The following CEMIP variants were observed in gnomAD, a reference collection of about 807,000 sequenced individuals.
The protein encoded by CEMIP is cell migration-inducing and hyaluronan-binding protein.
Under a neutral mutation model 156.9 loss-of-function variants are expected in CEMIP, and 105 were observed. The observed-to-expected ratio is 0.67, with a 90% confidence interval of 0.57 to 0.79. CEMIP has a LOEUF of 0.79. Among genes scored for constraint, CEMIP ranks in the 30% least tolerant of loss-of-function variants. The probability of loss-of-function intolerance (pLI) is 0.00; values close to 1 mark genes in which losing one functional copy is unlikely to be tolerated. For missense variants in CEMIP, 1,457 were observed against 1,769.4 expected, an observed-to-expected ratio of 0.82 and a Z score of 3.17; for synonymous variants, 676 against 668.4, an observed-to-expected ratio of 1.01 and a Z score of -0.17.
chr15:80,914,772 G>A (rs1900201496), intron 14 of CEMIP, among the ~76,000 whole-genome samples: 1 of 152,196 alleles, frequency 6.6e-6, no homozygotes, highest in African/African-American at 2.4e-5. Flanking sequence ...CTTAGACAGA[G>A]CTGATTTATC....
chr15:80,848,432 G>A (rs1220695056), intron 1 of CEMIP, among the ~76,000 whole-genome samples: 4 of 152,172 alleles, frequency 2.6e-5, no homozygotes, highest in African/African-American at 9.7e-5. Flanking sequence ...TACATTTATA[G>A]ACCTGTGGCT....
chr15:80,834,739 G>C (rs1450044439), intron 1 of CEMIP, among the ~76,000 whole-genome samples: 2 of 152,116 alleles, frequency 1.3e-5, no homozygotes, highest in African/African-American at 4.8e-5. Context: ...TGTCTTTACT[G>C]TTCTTGGCCC....
intron 16 of CEMIP, among the ~76,000 whole-genome samples, chr15:80,921,413 C>A (rs1900467575): frequency 1.3e-5 from 2 of 152,222 alleles, no homozygotes; most frequent in South Asian, 4.1e-4. Context: ...GTACCTGACA[C>A]ATCAGTGTTG....
chr15:80,800,805 A>G (rs750960667), intron 1 of CEMIP, among the ~76,000 whole-genome samples: 5 of 152,218 alleles, frequency 3.3e-5, no homozygotes, highest in Non-Finnish European at 5.9e-5. Context: ...AGGGGCAAAA[A>G]CATTGAGTTT....
chr15:80,892,440 C>T (rs1327478405), intron 10 of CEMIP, among the ~76,000 whole-genome samples: 1 of 152,230 alleles, frequency 6.6e-6, no homozygotes, highest in Non-Finnish European at 1.5e-5. Context: ...TGCCTCCCAC[C>T]TTCTCTCTTA....
intron 1 of CEMIP, among the ~76,000 whole-genome samples, chr15:80,832,322 CTGTGTGTGTGTGTGTGTGTG>C (rs58855328): frequency 1.3e-4 from 16 of 127,996 alleles, no homozygotes; most frequent in African/African-American, 4.8e-4. Context: ...AAAATAAACT[CTGTGTGTGTGTGTGTGTGTG>C]TGTGTGTGTG....
chr15:80,784,124 T>C (rs947006524), intron 1 of CEMIP, among the ~76,000 whole-genome samples: 2 of 152,192 alleles, frequency 1.3e-5, no homozygotes, highest in African/African-American at 4.8e-5. Flanking sequence ...TCTTTGAGTC[T>C]TCTGGAAGGG....
chr15:80,796,537 A>G (rs976909921), intron 1 of CEMIP, among the ~76,000 whole-genome samples: 1 of 152,204 alleles, frequency 6.6e-6, no homozygotes, highest in Non-Finnish European at 1.5e-5. Context: ...CTGTTGGTGC[A>G]TGTTCCATGT....
rs1285197652 is a variant in CEMIP at position 80,884,215 on chromosome 15, G to A, written c.658G>A (p.Val220Ile). 8 of 1,614,188 alleles carry A rather than the reference G, an allele frequency of 5.0e-6. 1 individual carries two copies. Among genetic ancestry groups the A allele is most frequent in the Non-Finnish European group, 5.1e-6 (6 of 1,180,030 alleles). The change falls in exon 7 of 30, where the codon GTC becomes ATC. Residue 220 changes from valine (V) to isoleucine (I), a missense_variant. Physicochemically the swap from Val to Ile is conservative, Grantham distance 29 (BLOSUM62 3). Coordinates refer to ENST00000394685, the MANE Select transcript of CEMIP (RefSeq NM_001293298.2). ...ATCCAAGAAAGAGAGTGAACGTCTG[G>A]TCCAGTATTTGAACGCGGTGCCCGA... ...YRSKKESERLVQYLNAVPDGR... is the reference protein window; with the variant it reads ...YRSKKESERLIQYLNAVPDGR...
chr15:80,823,234 A>T (rs1896950798), intron 1 of CEMIP, among the ~76,000 whole-genome samples: 1 of 152,104 alleles, frequency 6.6e-6, no homozygotes, highest in Non-Finnish European at 1.5e-5. Flanking sequence ...TGGTTTTTAC[A>T]GATATTTGTA....
chr15:80,832,804 C>T (rs1033011644), intron 1 of CEMIP, among the ~76,000 whole-genome samples: 1 of 152,172 alleles, frequency 6.6e-6, no homozygotes, highest in African/African-American at 2.4e-5. Context: ...ATCTGTTTCT[C>T]AAATCTGTGA....
At chr15:80,849,940 A>G (rs189997219) in intron 1 of CEMIP, among the ~76,000 whole-genome samples, 13 of 152,308 alleles carry the variant, frequency 8.5e-5, no homozygotes, top group South Asian at 2.1e-4. Context: ...GTGATGAGTT[A>G]GGTAAGGGCC....
intron 1 of CEMIP, among the ~76,000 whole-genome samples, chr15:80,788,793 A>C (rs1896009304): frequency 6.6e-6 from 1 of 152,144 alleles, no homozygotes; most frequent in South Asian, 2.1e-4. Context: ...GAGCCTGCTC[A>C]TCTCTCTTCC....
At chr15:80,786,302 A>G (rs571217708) in intron 1 of CEMIP, among the ~76,000 whole-genome samples, 1 of 152,276 alleles carries the variant, frequency 6.6e-6, no homozygotes, top group East Asian at 1.9e-4. Flanking sequence ...AGTGGCATGA[A>G]CACAGTTCCC....
chr15:80,857,759 A>G (rs1011157056), intron 1 of CEMIP, among the ~76,000 whole-genome samples: 2 of 152,200 alleles, frequency 1.3e-5, no homozygotes, highest in Non-Finnish European at 2.9e-5. Flanking sequence ...AAGTTAATGG[A>G]CAATAAGCAA....
chr15:80,872,191 G>A (rs955832738), intron 1 of CEMIP, among the ~76,000 whole-genome samples: 5 of 152,236 alleles, frequency 3.3e-5, no homozygotes, highest in Admixed American at 1.3e-4. Context: ...GGAGGAGCCT[G>A]GGCCGGGTGA....
At position 80,881,056 on chromosome 15, in the gene CEMIP, T is replaced by C; in HGVS notation, c.537T>C (p.Phe179=). 2 of 1,614,204 alleles carry C rather than the reference T, an allele frequency of 1.2e-6. No homozygotes were observed. Among genetic ancestry groups the C allele is most frequent in the Non-Finnish European group, 1.7e-6 (2 of 1,180,036 alleles). Residue 179 remains phenylalanine (F), a synonymous_variant, in exon 6 of 30, where the codon TTT becomes TTC. Transcript: ENST00000394685. The stretch of plus-strand genomic sequence containing the variant: ...GTGGCATGGCAGAAGGAGGCTATTT[T>C]TTTGAAAGGAGCTGGGGCCACCGTG... ...HPGGMAEGGY[F]FERSWGHRGV...
chr15:80,819,243 A>G (rs1200986012), intron 1 of CEMIP, among the ~76,000 whole-genome samples: 2 of 152,208 alleles, frequency 1.3e-5, no homozygotes, highest in Non-Finnish European at 2.9e-5. Context: ...TTTTGCATAG[A>G]TGCCATGCCT....
chr15:80,833,033 G>T (rs1291052331), intron 1 of CEMIP, among the ~76,000 whole-genome samples: 2 of 152,100 alleles, frequency 1.3e-5, no homozygotes, highest in Non-Finnish European at 2.9e-5. Flanking sequence ...CCAGTGGAAG[G>T]CACATCATTT....
Sources: allele counts gnomAD v4.1 joint callset (sites outside exome capture counted in the v4.1 genomes callset), GRCh38; gene constraint gnomAD v4.1.1; transcripts MANE v1.5; gene names NCBI Gene and HGNC (gene_info 2026-07-23, HGNC 2026-07-21).